TRAP1: variants seen among roughly 807,000 people sequenced by gnomAD.
The protein encoded by TRAP1 is TNF receptor associated protein 1, also known as heat shock protein 75 kDa, mitochondrial.
TRAP1 carries 102 observed loss-of-function variants against 89.1 expected under a neutral mutation model. The ratio of observed to expected loss-of-function variants is 1.15; its 90% confidence interval spans 0.98 to 1.35. TRAP1 has a LOEUF of 1.35. TRAP1 is among the 40% of genes most tolerant of loss of function. The pLI, the probability that TRAP1 is intolerant of heterozygous loss-of-function variation, is 0.00. For missense variants in TRAP1, 1,256 were observed against 945.3 expected (o/e 1.33, Z -4.31); for synonymous variants, 508 against 388.0 (o/e 1.31, Z -3.64).
At position 3,658,052 on chromosome 16, in the gene TRAP1, C is replaced by A; in HGVS notation, c.*77G>T. 6.2e-7 allele frequency: 1 copy of A among 1,607,628 alleles called. No individual in the cohort carries two copies. The highest frequency in any genetic ancestry group is 8.5e-7 in the Non-Finnish European group (1 of 1,176,100). ...CAACACACACTCGGGTTAAGAAATA[C>A]CTTTAAATTTAGGTAAATAAAGCTC... On this transcript the variant is annotated 3_prime_UTR_variant, in exon 18 of 18. Coordinates refer to ENST00000246957, the MANE Select transcript of TRAP1 (RefSeq NM_016292.3).
chr16:3,663,526 G>C lies in TRAP1; in HGVS notation c.1606C>G (p.Leu536Val). 1.9e-6 allele frequency: 3 copies of C among 1,614,148 alleles called. No homozygotes were observed. The highest frequency in any genetic ancestry group is 1.7e-6 in the Non-Finnish European group (2 of 1,180,034). The change falls in exon 14 of 18, where the codon CTG (leucine) becomes GTG (valine). Residue 536 changes from leucine to valine, a missense_variant. Physicochemically the swap from Leu to Val is conservative, Grantham distance 32. Transcript: ENST00000246957. ...TTGTCAAACTCACGAAGGTGCAGCA[G>C]GGTGAGCTCATCAAACTGCTCAAAG... ...FCFEQFDELT[L>V]LHLREFDKKK...
chr16:3,659,728 T>C (rs1208035417), intron 16 of TRAP1: 1 of 150,034 alleles, frequency 6.7e-6, no homozygotes, highest in Non-Finnish European at 1.5e-5. Flanking sequence ...CCTAACTGCA[T>C]CCCTTTAAAC....
In TRAP1 at chr16:3,698,318, C is replaced by CTT. The variant is rs766928982; in HGVS notation, c.89-7335_89-7334dup. Among the ~76,000 whole-genome samples, 11 of 141,680 alleles carry CTT rather than the reference C, an allele frequency of 7.8e-5. No homozygotes were observed. In the East Asian group the frequency reaches 8.3e-4, roughly 11 times the overall value. The allele number at this position is 141,680 out of a possible 152,430, so 92.9% of individuals were successfully genotyped here. On this transcript the variant is annotated intron_variant, in intron 1 of 17. Coordinates refer to ENST00000246957, the MANE Select transcript of TRAP1 (RefSeq NM_016292.3). ...AGGTTATGTAAACTTTCCACAACAACTTTTTTTTTTTTTTTTAGAGTCTCA... is the reference window on the plus strand; with the variant it reads ...AGGTTATGTAAACTTTCCACAACAACTTTTTTTTTTTTTTTTTTAGAGTCTCA...
At chr16:3,695,735 G>A (rs1175390132) in intron 1 of TRAP1, among the ~76,000 whole-genome samples, 1 of 152,078 alleles carries the variant, frequency 6.6e-6, no homozygotes, top group Non-Finnish European at 1.5e-5. Context: ...TAACCTCAGA[G>A]GACAGCACAC....
chr16:3,677,446 A>G (rs1245419880), intron 6 of TRAP1, 52 bp downstream of exon 6: 1 of 1,611,890 alleles, frequency 6.2e-7, no homozygotes, highest in Non-Finnish European at 8.5e-7. Context: ...ACTCCATGCT[A>G]AGGGCTCCAG....
At chr16:3,701,747 C>G (rs1277623525) in intron 1 of TRAP1, among the ~76,000 whole-genome samples, 5 of 152,140 alleles carry the variant, frequency 3.3e-5, no homozygotes, top group Admixed American at 6.6e-5. Context: ...TACATCTGCA[C>G]TTACTACAGT....
chr16:3,682,408 T>G (rs2051084209), intron 4 of TRAP1, among the ~76,000 whole-genome samples: 3 of 150,862 alleles, frequency 2.0e-5, no homozygotes, highest in African/African-American at 7.3e-5. Context: ...AAAAAAAAAT[T>G]TCTCGCTCTG....
chr16:3,668,372 T>G (rs1364467834), intron 11 of TRAP1, among the ~76,000 whole-genome samples: 2 of 152,182 alleles, frequency 1.3e-5, no homozygotes, highest in African/African-American at 4.8e-5. Context: ...CACATAAATA[T>G]TTTAAGTAAA....
chr16:3,658,404 G>A, intron 17 of TRAP1, 174 bp from the exon 18 acceptor site: 1 of 625,304 alleles, frequency 1.6e-6, no homozygotes, highest in East Asian at 2.8e-5. Flanking sequence ...ACAGGCGTGA[G>A]CCACCACGCC....
At chr16:3,686,259 A>AAAGAGTTTCTGCTTT in intron 3 of TRAP1, 123 bp from the exon 4 acceptor site, 1 of 1,200,236 alleles carries the variant, frequency 8.3e-7, no homozygotes, top group African/African-American at 1.5e-5. Context: ...CTCAAAGCAT[A>AAAGAGTTTCTGCTTT]AAGAGTTTCT....
rs1049916200 is a variant in TRAP1, at chr16:3,658,298, A to G, written c.2014-68T>C. ...ACCTTTTCATTTTTTTTTTTTTGAGACAGAGTCTCACTGTTGCCGAGGCTG... is the reference window on the plus strand; with the variant it reads ...ACCTTTTCATTTTTTTTTTTTTGAGGCAGAGTCTCACTGTTGCCGAGGCTG... On this transcript the variant is annotated intron_variant, in intron 17 of 17. Transcript: ENST00000246957. 1.9e-5 allele frequency: 24 copies of G among 1,247,170 alleles called. No individual in the cohort carries two copies. The Admixed American group carries it at 3.1e-4, about 16-fold the overall frequency. The allele number at this position is 1,247,170 out of a possible 1,614,324, so 77.3% of individuals were successfully genotyped here.
At position 3,674,442 on chromosome 16, in the gene TRAP1, A is replaced by C. The variant is rs1567230271; in HGVS notation, c.941T>G (p.Phe314Cys). 3 of 1,613,954 alleles carry C rather than the reference A, an allele frequency of 1.9e-6. No homozygotes were observed. Among genetic ancestry groups the C allele is most frequent in the Non-Finnish European group, 2.5e-6 (3 of 1,180,044 alleles). The change falls in exon 9 of 18, where the codon TTC becomes TGC. Residue 314 changes from phenylalanine to cysteine, a missense_variant. Coordinates refer to ENST00000246957, the MANE Select transcript of TRAP1 (RefSeq NM_016292.3). ...GTGAGCCTGCGCGACGTAGCGGTAGAACTCCTCATGTTGCCACTCACGGAC... is the reference window on the plus strand; with the variant it reads ...GTGAGCCTGCGCGACGTAGCGGTAGCACTCCTCATGTTGCCACTCACGGAC... The part of the protein sequence containing the change: ...KDVREWQHEE[F>C]YRYVAQAHDK...
At chr16:3,709,615 A>G (rs532951809) in intron 1 of TRAP1, among the ~76,000 whole-genome samples, 1 of 152,000 alleles carries the variant, frequency 6.6e-6, no homozygotes, top group Non-Finnish European at 1.5e-5. Context: ...GGAAGATTAC[A>G]CACGGTTCCT....
At chr16:3,703,675 A>G (rs2051399659) in intron 1 of TRAP1, among the ~76,000 whole-genome samples, 1 of 152,008 alleles carries the variant, frequency 6.6e-6, no homozygotes, top group Admixed American at 6.5e-5. Context: ...ATATTGGACT[A>G]CATATATCAA....
At chr16:3,682,937 G>C (rs956449222) in intron 4 of TRAP1, among the ~76,000 whole-genome samples, 1 of 151,948 alleles carries the variant, frequency 6.6e-6, no homozygotes, top group Non-Finnish European at 1.5e-5. Context: ...GGGAGGCCGA[G>C]GCAGGCAGAT....
chr16:3,673,495 C>T lies in TRAP1; in HGVS notation c.1045-675G>A, dbSNP rs539783219. 1.1e-4 allele frequency among the ~76,000 whole-genome samples: 17 copies of T among 152,288 alleles called. No homozygotes were observed. The East Asian group carries it at 2.3e-3, about 21-fold the overall frequency. On this transcript the variant is annotated intron_variant, in intron 9 of 17. Coordinates refer to ENST00000246957, the MANE Select transcript of TRAP1 (RefSeq NM_016292.3). ...ATCACGGGATCTGGTTAAAATGCGG[C>T]GGGTATCTAGTTCAAATGTTGGGAG...
chr16:3,678,751 G>A (rs572037421), intron 5 of TRAP1, among the ~76,000 whole-genome samples: 69 of 152,150 alleles, frequency 4.5e-4, no homozygotes, highest in Admixed American at 9.8e-4. Context: ...GTGAGCCACC[G>A]CACCCGACCT....
rs769418685 is a variant in TRAP1, at chr16:3,679,790, C to G, written c.472G>C (p.Asp158His). The stretch of plus-strand genomic sequence containing the variant: ...TCCTGTGTCATCCCGATACCAGTAT[C>G]CTGAGGAGAGAGACGCACTAAGTGC... ...NAEKGTITIQ[D>H]TGIGMTQEEL... Residue 158 changes from aspartate (D) to histidine (H), a missense_variant and splice_region_variant, in exon 5 of 18, where the codon GAT becomes CAT. Asp to His is a moderately conservative substitution (Grantham distance 81). Transcript: ENST00000246957. 22 of 1,613,948 alleles carry G rather than the reference C, an allele frequency of 1.4e-5. No homozygotes were observed. In the Admixed American group the frequency reaches 3.2e-4, roughly 23 times the overall value.
intron 1 of TRAP1, among the ~76,000 whole-genome samples, chr16:3,715,853 A>T (rs2051591504): frequency 6.6e-6 from 1 of 152,126 alleles, no homozygotes; most frequent in Non-Finnish European, 1.5e-5. Context: ...TCACTTTCTG[A>T]GGGAAAATTA....
Sources: allele counts gnomAD v4.1 joint callset (sites outside exome capture counted in the v4.1 genomes callset), GRCh38; gene constraint gnomAD v4.1.1; transcripts MANE v1.5; gene names NCBI Gene and HGNC (gene_info 2026-07-23, HGNC 2026-07-21).